Variants in TNN observed in about 807,000 individuals in gnomAD.
The protein encoded by TNN is tenascin-N.
A neutral mutation model predicts 134.4 loss-of-function variants in TNN; 122 were observed. The observed-to-expected ratio is 0.91, with a 90% CI of 0.78 to 1.06. TNN has a LOEUF of 1.06. Ranked by LOEUF, TNN falls within the 50% of genes least tolerant of loss-of-function variation. The pLI, the probability that TNN is intolerant of heterozygous loss-of-function variation, is 0.00. For synonymous variants in TNN, 710 were observed against 670.3 expected, an observed-to-expected ratio of 1.06 and a Z score of -0.91; for missense variants, 1,739 against 1,699.4, an observed-to-expected ratio of 1.02 and a Z score of -0.41.
chr1:175,114,069 G>A (rs1316060823), intron 9 of TNN, among the ~76,000 whole-genome samples: 1 of 151,990 alleles, frequency 6.6e-6, no homozygotes. Flanking sequence ...TTTAATTGGG[G>A]TCTGTTTCTA....
chr1:175,079,676 G>C lies in TNN; in HGVS notation c.753G>C (p.Glu251Asp), dbSNP rs140924148. 6.2e-7 allele frequency: 1 copy of C among 1,608,188 alleles called. No homozygotes were observed. Among genetic ancestry groups the C allele is most frequent in the Non-Finnish European group, 8.5e-7 (1 of 1,177,642 alleles). The change falls in exon 3 of 19, where the codon GAG (glutamate) becomes GAC (aspartate). Residue 251 changes from glutamate to aspartate, a missense_variant. Coordinates refer to ENST00000239462, the MANE Select transcript of TNN (RefSeq NM_022093.2). ...GTGACACGGGCGAGTGCTACTGCGAGGAGGGCTTCACAGGCCTGGACTGTG... is the reference window on the plus strand; with the variant it reads ...GTGACACGGGCGAGTGCTACTGCGACGAGGGCTTCACAGGCCTGGACTGTG... ...GFCDTGECYCEEGFTGLDCAQ... is the reference protein window; with the variant it reads ...GFCDTGECYCDEGFTGLDCAQ...
At chr1:175,123,333 T>A in intron 11 of TNN, 67 bp from the exon 12 acceptor site, 1 of 1,534,710 alleles carries the variant, frequency 6.5e-7, no homozygotes, top group South Asian at 1.2e-5. Flanking sequence ...CTCCTGGTGA[T>A]GAGGTGGTAA....
chr1:175,079,327 TC>T lies in TNN; in HGVS notation c.410-3del, dbSNP rs1674131674. The T allele has an allele frequency of 3.8e-6, 6 of 1,581,988 alleles. No individual in the cohort carries two copies. The Admixed American group carries it at 5.4e-5, about 14-fold the overall frequency. ...CCCAACCTACTGTTTCTCCTCTCCCTCCCAGATCTAAGCCGCCACTGCAGCG... is the reference window on the plus strand; with the variant it reads ...CCCAACCTACTGTTTCTCCTCTCCCTCCAGATCTAAGCCGCCACTGCAGCG... On this transcript the variant is annotated splice_region_variant and splice_polypyrimidine_tract_variant and intron_variant, in intron 2 of 18. Transcript: ENST00000239462.
In TNN at chr1:175,083,805, C is replaced by T. The variant is rs745496505; in HGVS notation, c.1104C>T (p.Asp368=). Residue 368 remains aspartate, a synonymous_variant, in exon 5 of 19, where the codon GAC becomes GAT. Transcript: ENST00000239462. ...CAGATGAGACTGAGAACTCCCTTGA[C>T]GTGGAGTGGGAAAACCCCTCAACTG... ...WVTDETENSL[D]VEWENPSTEV... is the part of the protein sequence containing the mutation. The T allele has an allele frequency of 1.5e-5, 25 of 1,614,060 alleles. No individual in the cohort carries two copies. Among genetic ancestry groups the T allele is most frequent in the Admixed American group, 6.7e-5 (4 of 60,006 alleles).
chr1:175,112,313 T>C (rs1471441209), intron 9 of TNN, among the ~76,000 whole-genome samples: 1 of 152,192 alleles, frequency 6.6e-6, no homozygotes, highest in Non-Finnish European at 1.5e-5. Flanking sequence ...ATGTTAACTA[T>C]TCTTGCATCC....
chr1:175,079,346 C>T lies in TNN; in HGVS notation c.423C>T (p.His141=). 6.3e-7 allele frequency: 1 copy of T among 1,596,192 alleles called. No individual in the cohort carries two copies. ...TCTCCCTCCCAGATCTAAGCCGCCA[C>T]TGCAGCGGCCACGGGACCTTCTCCC... The part of the protein sequence containing the change: ...CCQGVTDLSR[H]CSGHGTFSLE... Residue 141 remains histidine, a synonymous_variant, in exon 3 of 19, where the codon CAC becomes CAT. Transcript: ENST00000239462.
At chr1:175,122,697 G>A (rs868088267) in intron 11 of TNN, among the ~76,000 whole-genome samples, 11 of 152,242 alleles carry the variant, frequency 7.2e-5, no homozygotes, top group African/African-American at 2.4e-4. Flanking sequence ...AAACAGGATT[G>A]ATTGGAGAGT....
chr1:175,132,153 A>C (rs1458228512), intron 15 of TNN, among the ~76,000 whole-genome samples: 1 of 152,182 alleles, frequency 6.6e-6, no homozygotes, highest in South Asian at 2.1e-4. Context: ...TCCTTGGTAC[A>C]ACAAGAGTCC....
intron 18 of TNN, among the ~76,000 whole-genome samples, chr1:175,144,918 A>G (rs148192655): frequency 6.6e-6 from 1 of 152,254 alleles, no homozygotes; most frequent in East Asian, 1.9e-4. Flanking sequence ...CAAACAACAG[A>G]CATTTATTTC....
chr1:175,111,884 G>T (rs1675037373), intron 9 of TNN, among the ~76,000 whole-genome samples: 1 of 151,936 alleles, frequency 6.6e-6, no homozygotes. Flanking sequence ...CTCTAAGAGT[G>T]TCTTGGTGGA....
chr1:175,080,072 C>T, intron 3 of TNN, 91 bp from the exon 4 acceptor site: 1 of 1,524,600 alleles, frequency 6.6e-7, no homozygotes. Context: ...GCATCCTGCA[C>T]ACCCACCCTT....
chr1:175,146,223 G>A (rs1397445461), intron 18 of TNN, among the ~76,000 whole-genome samples: 1 of 152,174 alleles, frequency 6.6e-6, no homozygotes, highest in Non-Finnish European at 1.5e-5. Context: ...GAAACGAGCA[G>A]CCAGGATGCC....
At position 175,074,998 on chromosome 1, in the gene TNN, AG is replaced by A. The variant is rs550060779; in HGVS notation, c.-35-2384del. On this transcript the variant is annotated intron_variant, in intron 1 of 18. Transcript: ENST00000239462. ...GTTTCCTTACCTTTTGAGTGAGGAG[AG>A]GAACACTGACCTTACATGGCAGCTC... is the stretch of plus-strand genomic sequence containing the variant. Among the ~76,000 whole-genome samples the A allele has an allele frequency of 2.8e-3, 427 of 152,302 alleles. 3 individuals are homozygous for A. Among genetic ancestry groups the A allele is most frequent in the East Asian group, 5.2e-3 (27 of 5,176 alleles).
At chr1:175,135,273 G>T (rs951460675) in intron 15 of TNN, among the ~76,000 whole-genome samples, 1 of 152,084 alleles carries the variant, frequency 6.6e-6, no homozygotes, top group Non-Finnish European at 1.5e-5. Flanking sequence ...GGAGGGCAGG[G>T]ACTATTTCTG....
intron 17 of TNN, among the ~76,000 whole-genome samples, chr1:175,139,729 T>C (rs1675901692): frequency 6.6e-6 from 1 of 152,240 alleles, no homozygotes; most frequent in African/African-American, 2.4e-5. Flanking sequence ...ATTTACTGTA[T>C]GTAATTGTAT....
chr1:175,142,276 G>A (rs1041238992), intron 17 of TNN, among the ~76,000 whole-genome samples: 2 of 152,180 alleles, frequency 1.3e-5, no homozygotes, highest in African/African-American at 4.8e-5. Flanking sequence ...AGGCATAAAC[G>A]AGCTGCTGGT....
intron 6 of TNN, among the ~76,000 whole-genome samples, chr1:175,092,409 G>A (rs1674474146): frequency 1.1e-5 from 1 of 91,322 alleles, no homozygotes; most frequent in Admixed American, 1.0e-4. Context: ...TATTGGCTCT[G>A]AGCTCACAGT....
At position 175,126,990 on chromosome 1, in the gene TNN, G is replaced by T; in HGVS notation, c.2950G>T (p.Val984Leu). The change falls in exon 13 of 19, where the codon GTA becomes TTA. Residue 984 changes from valine (V) to leucine (L), a missense_variant. By Grantham distance (32) the Val-to-Leu change is conservative. Coordinates refer to ENST00000239462, the MANE Select transcript of TNN (RefSeq NM_022093.2). ...DPPRNLRPSAVTQSGGILTWT... is the reference protein window; with the variant it reads ...DPPRNLRPSALTQSGGILTWT... ...TCCCAGAAACCTTCGTCCATCTGCT[G>T]TAACGCAGTCTGGTGGCATATTGAC... 2 of 1,614,142 alleles carry T rather than the reference G, an allele frequency of 1.2e-6. No homozygotes were observed. Among genetic ancestry groups the T allele is most frequent in the Non-Finnish European group, 1.7e-6 (2 of 1,180,004 alleles).
At chr1:175,069,268 T>C (rs1316837978) in intron 1 of TNN, among the ~76,000 whole-genome samples, 1 of 152,134 alleles carries the variant, frequency 6.6e-6, no homozygotes, top group Non-Finnish European at 1.5e-5. Context: ...ATTCAGACAT[T>C]TGTTGCAGAC....
Sources: gnomAD v4.1 joint callset for allele counts (sites outside exome capture counted in the v4.1 genomes callset) on GRCh38, gnomAD v4.1.1 for gene constraint, MANE v1.5 for transcripts, NCBI Gene and HGNC (gene_info 2026-07-23, HGNC 2026-07-21) for gene names.